The following CA10 variants were observed in gnomAD, a reference collection of about 807,000 sequenced individuals.
The protein encoded by CA10 is carbonic anhydrase 10 (inactive).
Under a neutral mutation model 44.2 loss-of-function variants are expected in CA10, and 14 were observed. The observed-to-expected ratio is 0.32, with a 90% CI of 0.21 to 0.50. The LOEUF is 0.50. CA10 is among the 20% of genes least tolerant of loss of function. The pLI is 0.99. For missense variants in CA10, 350 were observed against 409.7 expected (o/e 0.85, Z 1.26); for synonymous variants, 159 against 141.6 (o/e 1.12, Z -0.87).
At chr17:51,794,384 A>G (rs1464571401) in intron 3 of CA10, among the ~76,000 whole-genome samples, 2 of 152,178 alleles carry the variant, frequency 1.3e-5, no homozygotes, top group Admixed American at 6.5e-5. Flanking sequence ...TGAAGGTCAT[A>G]TAGCTAATTG....
intron 3 of CA10, among the ~76,000 whole-genome samples, chr17:51,817,468 T>C (rs534571592): frequency 2.0e-5 from 3 of 152,160 alleles, no homozygotes; most frequent in Non-Finnish European, 4.4e-5. Context: ...AGACTCTTTA[T>C]GCAGATAAAA....
intron 2 of CA10, among the ~76,000 whole-genome samples, chr17:52,062,558 G>T (rs1987418635): frequency 6.6e-6 from 1 of 152,224 alleles, no homozygotes; most frequent in Admixed American, 6.5e-5. Context: ...TCAGGGAACA[G>T]GCCCGAGTTA....
chr17:51,786,075 T>C (rs927550306), intron 3 of CA10, among the ~76,000 whole-genome samples: 2 of 152,226 alleles, frequency 1.3e-5, no homozygotes, highest in African/African-American at 2.4e-5. Context: ...TTTGTGGCTA[T>C]TGTAAATAAG....
chr17:52,124,739 C>G (rs1245925890), intron 1 of CA10, among the ~76,000 whole-genome samples: 3 of 152,162 alleles, frequency 2.0e-5, no homozygotes, highest in African/African-American at 7.2e-5. Flanking sequence ...CTCAATGCCT[C>G]TCCCACCTTG....
intron 1 of CA10, among the ~76,000 whole-genome samples, chr17:52,106,083 C>T (rs745316284): frequency 3.9e-5 from 6 of 152,194 alleles, no homozygotes; most frequent in Non-Finnish European, 8.8e-5. Flanking sequence ...AAAGATCTTT[C>T]TTGTGCTTAT....
chr17:51,876,803 T>C (rs1056891219), intron 3 of CA10, among the ~76,000 whole-genome samples: 16 of 152,154 alleles, frequency 1.1e-4, no homozygotes, highest in African/African-American at 3.6e-4. Context: ...TGCCAAGCTA[T>C]TTTTCAGGGC....
chr17:51,633,772 A>G, intron 7 of CA10, 122 bp from the exon 8 acceptor site: 1 of 1,042,436 alleles, frequency 9.6e-7, no homozygotes, highest in East Asian at 2.5e-5. Flanking sequence ...AGGGCTGTAT[A>G]AGCCCCACAG....
chr17:51,727,141 T>C (rs1306006640), intron 4 of CA10, among the ~76,000 whole-genome samples: 4 of 152,216 alleles, frequency 2.6e-5, no homozygotes, highest in African/African-American at 9.6e-5. Flanking sequence ...TTTTCAAAAG[T>C]GGAGACTCCT....
At chr17:51,961,444 GA>G (rs1269181353) in intron 2 of CA10, among the ~76,000 whole-genome samples, 4 of 148,446 alleles carry the variant, frequency 2.7e-5, no homozygotes, top group African/African-American at 9.8e-5. Flanking sequence ...AAGAAAAAGA[GA>G]AATGTCAAAG....
chr17:52,028,255 T>C (rs1333626206), intron 2 of CA10, among the ~76,000 whole-genome samples: 2 of 152,134 alleles, frequency 1.3e-5, no homozygotes, highest in African/African-American at 4.8e-5. Context: ...CAAGGAGACA[T>C]AGATATGAAA....
chr17:52,000,902 G>A (rs1598160287), intron 2 of CA10, among the ~76,000 whole-genome samples: 1 of 151,212 alleles, frequency 6.6e-6, no homozygotes, highest in African/African-American at 2.4e-5. Context: ...ATGATCAAGT[G>A]GCTGGGGGGT....
chr17:51,902,311 T>C (rs924279865), intron 3 of CA10, among the ~76,000 whole-genome samples: 2 of 152,136 alleles, frequency 1.3e-5, no homozygotes, highest in East Asian at 3.9e-4. Context: ...TGGTTATAGA[T>C]TGCTCAGAGA....
intron 4 of CA10, among the ~76,000 whole-genome samples, chr17:51,717,905 G>GAATT (rs1916220848): frequency 2.6e-3 from 1 of 390 alleles, no homozygotes. Context: ...AAAAAGGAAT[G>GAATT]AATTAACAGG....
chr17:52,134,041 A>G (rs1198178225), intron 1 of CA10, among the ~76,000 whole-genome samples: 1 of 152,220 alleles, frequency 6.6e-6, no homozygotes, highest in Non-Finnish European at 1.5e-5. Context: ...GCAAGGTAGC[A>G]TAATAAAAGG....
At chr17:51,728,878 C>A (rs1916615700) in intron 4 of CA10, among the ~76,000 whole-genome samples, 1 of 152,110 alleles carries the variant, frequency 6.6e-6, no homozygotes, top group Non-Finnish European at 1.5e-5. Context: ...AATGAATGAT[C>A]AGTTTTGAGC....
At chr17:51,761,221 G>A (rs1053617757) in intron 3 of CA10, 5 of 152,178 alleles carry the variant, frequency 3.3e-5, no homozygotes, top group Non-Finnish European at 7.3e-5. Flanking sequence ...CCCCAAAACA[G>A]ACAGATAGCC....
intron 4 of CA10, among the ~76,000 whole-genome samples, chr17:51,696,305 T>C (rs1597991609): frequency 6.6e-6 from 1 of 152,272 alleles, no homozygotes; most frequent in African/African-American, 2.4e-5. Flanking sequence ...TTGGCCTTTT[T>C]TTGGTTATAG....
At chr17:52,084,777 A>G (rs1441344881) in intron 1 of CA10, among the ~76,000 whole-genome samples, 1 of 151,120 alleles carries the variant, frequency 6.6e-6, no homozygotes, top group African/African-American at 2.5e-5. Context: ...AACAAGGAAA[A>G]CTCTGGTTTT....
At chr17:51,752,688 GGAGGTC>G (rs777118356) in intron 3 of CA10, among the ~76,000 whole-genome samples, 6 of 152,192 alleles carry the variant, frequency 3.9e-5, no homozygotes, top group Non-Finnish European at 7.3e-5. Flanking sequence ...TAACATTTTG[GGAGGTC>G]GAGGCAGGCG....
Sources: allele counts gnomAD v4.1 joint callset (sites outside exome capture counted in the v4.1 genomes callset), GRCh38; gene constraint gnomAD v4.1.1; transcripts MANE v1.5; gene names NCBI Gene and HGNC (gene_info 2026-07-23, HGNC 2026-07-21).